Variants in LRRC36 observed in about 807,000 individuals in gnomAD.
LRRC36 encodes the protein leucine rich repeat containing 36, also known as leucine-rich repeat-containing protein 36.
Under a neutral mutation model 81.1 loss-of-function variants are expected in LRRC36, and 62 were observed. That is an observed-to-expected ratio of 0.76 (90% CI 0.62 to 0.94). The LOEUF is 0.94. Ranked by LOEUF, LRRC36 falls within the 40% of genes least tolerant of loss-of-function variation. The pLI is 0.00. For missense variants in LRRC36, 761 were observed against 881.7 expected (o/e 0.86, Z 1.73); for synonymous variants, 334 against 348.6 (o/e 0.96, Z 0.47).
At chr16:67,355,175 G>C (rs904182643) in intron 5 of LRRC36, among the ~76,000 whole-genome samples, 1 of 151,984 alleles carries the variant, frequency 6.6e-6, no homozygotes, top group Non-Finnish European at 1.5e-5. Context: ...AAGACATCTT[G>C]GTTGCTTCCA....
intron 9 of LRRC36, among the ~76,000 whole-genome samples, chr16:67,372,810 TC>T (rs1193237762): frequency 6.6e-6 from 1 of 152,206 alleles, no homozygotes; most frequent in Non-Finnish European, 1.5e-5. Context: ...GTTAAAGACT[TC>T]CTATTCAGTT....
chr16:67,344,096 C>T (rs2038229841), intron 2 of LRRC36, among the ~76,000 whole-genome samples: 5 of 152,122 alleles, frequency 3.3e-5, no homozygotes, highest in Admixed American at 2.6e-4. Context: ...GGATTAGAGG[C>T]ATGAGCCACC....
chr16:67,338,979 C>T (rs1414546379), intron 1 of LRRC36, among the ~76,000 whole-genome samples: 1 of 141,034 alleles, frequency 7.1e-6, no homozygotes, highest in African/African-American at 2.6e-5. Context: ...ACTGCAACCC[C>T]TGTCTCCTGG....
chr16:67,378,176 A>G (rs1367087120), intron 11 of LRRC36, among the ~76,000 whole-genome samples: 3 of 151,504 alleles, frequency 2.0e-5, no homozygotes, highest in African/African-American at 7.3e-5. Flanking sequence ...CAATCAGTTT[A>G]TCACTAAATA....
chr16:67,331,207 T>G lies in LRRC36; in HGVS notation c.70+4275T>G, dbSNP rs2037475537. Reference sequence around the variant, plus strand: ...AAGCCACCGTTGACCTAATCACCTCTTAGAGGCCCCACCTCGCAGTGCTGT... The same window carrying G: ...AAGCCACCGTTGACCTAATCACCTCGTAGAGGCCCCACCTCGCAGTGCTGT... On this transcript the variant is annotated intron_variant, in intron 1 of 13. Transcript: ENST00000329956. Among the ~76,000 whole-genome samples the G allele has an allele frequency of 2.0e-5, 3 of 152,232 alleles. No individual in the cohort carries two copies. In the South Asian group the frequency reaches 6.2e-4, roughly 32 times the overall value.
At chr16:67,348,671 A>G (rs1345661213) in intron 4 of LRRC36, 2 of 152,070 alleles carry the variant, frequency 1.3e-5, no homozygotes, top group Non-Finnish European at 2.9e-5. Context: ...CCACAACATT[A>G]TTCTTATATT....
At chr16:67,354,413 G>T (rs1384373657) in intron 5 of LRRC36, among the ~76,000 whole-genome samples, 1 of 151,984 alleles carries the variant, frequency 6.6e-6, no homozygotes, top group Non-Finnish European at 1.5e-5. Context: ...GAATACCTGG[G>T]ATTACAGGCG....
intron 2 of LRRC36, 107 bp from the exon 3 acceptor site, chr16:67,346,149 T>C (rs963447124): frequency 1.5e-5 from 11 of 735,992 alleles, no homozygotes; most frequent in African/African-American, 3.5e-5. Context: ...CACGGGGACT[T>C]GGATAACATG....
intron 12 of LRRC36, among the ~76,000 whole-genome samples, chr16:67,379,725 CTG>C (rs1185156737): frequency 6.6e-6 from 1 of 152,130 alleles, no homozygotes; most frequent in African/African-American, 2.4e-5. Context: ...AATAATAAAA[CTG>C]TGTCCTGGTT....
chr16:67,352,642 CTTATTTATTTATTTATTTATTTATTTAT>C (rs140957876), intron 5 of LRRC36, among the ~76,000 whole-genome samples: 7 of 142,778 alleles, frequency 4.9e-5, no homozygotes, highest in African/African-American at 1.3e-4. Flanking sequence ...AAATAAATGT[CTTATTTATTTATTTATTTATTTATTTAT>C]TTATTTATTT....
chr16:67,365,420 A>T (rs1216997995), intron 7 of LRRC36, 65 bp downstream of exon 7: 1 of 1,419,514 alleles, frequency 7.0e-7, no homozygotes, highest in East Asian at 2.3e-5. Flanking sequence ...ATGTGATGGG[A>T]TTTGGGAGAT....
intron 4 of LRRC36, 39 bp from the exon 5 acceptor site, chr16:67,350,163 T>TG (rs748880274): frequency 1.4e-6 from 2 of 1,403,162 alleles, no homozygotes; most frequent in African/African-American, 3.0e-5. Context: ...AAGCCTTTTT[T>TG]TTTTTTTTGA....
chr16:67,375,127 CA>C (rs956400251), intron 9 of LRRC36, 119 bp from the exon 10 acceptor site: 502 of 1,124,382 alleles, frequency 4.5e-4, no homozygotes, highest in Non-Finnish European at 5.1e-4. Context: ...ACTCCGTCTC[CA>C]AAAAAAAATT....
At chr16:67,352,641 T>TTTTA (rs2038702011) in intron 5 of LRRC36, among the ~76,000 whole-genome samples, 3 of 148,324 alleles carry the variant, frequency 2.0e-5, no homozygotes, top group Non-Finnish European at 3.0e-5. Context: ...TAAATAAATG[T>TTTTA]CTTATTTATT....
intron 12 of LRRC36, among the ~76,000 whole-genome samples, chr16:67,378,942 T>C (rs79426079): frequency 0.013 from 2,030 of 152,336 alleles, 45 homozygotes; most frequent in African/African-American, 0.046. Flanking sequence ...TGTACAAATG[T>C]TGTTACTATT....
intron 4 of LRRC36, among the ~76,000 whole-genome samples, chr16:67,349,765 C>T (rs1234106372): frequency 1.4e-5 from 2 of 146,480 alleles, no homozygotes; most frequent in Non-Finnish European, 3.0e-5. Context: ...ATTTGTGCAA[C>T]TTTTTTTTTT....
chr16:67,378,078 T>C (rs1481773609), intron 11 of LRRC36, among the ~76,000 whole-genome samples: 1 of 152,188 alleles, frequency 6.6e-6, no homozygotes, highest in Non-Finnish European at 1.5e-5. Context: ...TAAGAAAGAT[T>C]GCTAGTCCAT....
intron 1 of LRRC36, among the ~76,000 whole-genome samples, chr16:67,335,694 G>C (rs1020253859): frequency 2.0e-5 from 3 of 151,020 alleles, no homozygotes; most frequent in African/African-American, 4.9e-5. Context: ...TGGTCCCTCT[G>C]TTTGGGGTCC....
At position 67,376,772 on chromosome 16, in the gene LRRC36, C is replaced by G; in HGVS notation, c.1706C>G (p.Ser569Cys). Residue 569 changes from serine (S) to cysteine (C), a missense_variant, in exon 11 of 14, where the codon TCT (serine) becomes TGT (cysteine). Physicochemically the swap from Ser to Cys is moderately radical, Grantham distance 112. Coordinates refer to ENST00000329956, the MANE Select transcript of LRRC36 (RefSeq NM_018296.6). ...LLLSLVVPAP[S>C]QPRCCSHPED... is the part of the protein sequence containing the mutation. ...CTGTCTTTGGTAGTCCCGGCTCCTTCTCAGCCGAGGTGTTGCTCACATCCT... is the reference window on the plus strand; with the variant it reads ...CTGTCTTTGGTAGTCCCGGCTCCTTGTCAGCCGAGGTGTTGCTCACATCCT... 1 of 1,613,888 alleles carries G rather than the reference C, an allele frequency of 6.2e-7. No individual in the cohort carries two copies. Among genetic ancestry groups the G allele is most frequent in the Non-Finnish European group, 8.5e-7 (1 of 1,179,778 alleles).
Sources: allele counts gnomAD v4.1 joint callset (sites outside exome capture counted in the v4.1 genomes callset), GRCh38; gene constraint gnomAD v4.1.1; transcripts MANE v1.5; gene names NCBI Gene and HGNC (gene_info 2026-07-23, HGNC 2026-07-21).